The following PWWP3B variants were observed in gnomAD, a reference collection of about 807,000 sequenced individuals.
PWWP3B encodes PWWP domain containing 3B.
A neutral mutation model predicts 15.7 loss-of-function variants in PWWP3B; 5 were observed. The ratio of observed to expected loss-of-function variants is 0.32; its 90% CI spans 0.17 to 0.67. The LOEUF (loss-of-function observed/expected upper bound fraction) is 0.67, where lower values mean the gene tolerates loss of function less well. Among genes scored for constraint, PWWP3B ranks in the 30% least tolerant of loss-of-function variants. The pLI, the probability that PWWP3B is intolerant of heterozygous loss-of-function variation, is 0.74. For synonymous variants in PWWP3B, 203 were observed against 179.8 expected, an observed-to-expected ratio of 1.13 and a Z score of -1.03; for missense variants, 519 against 493.1, an observed-to-expected ratio of 1.05 and a Z score of -0.50.
intron 2 of PWWP3B, among the ~76,000 whole-genome samples, chrX:106,185,377 C>T (rs931832855): frequency 9.0e-6 from 1 of 111,373 alleles, no homozygotes; most frequent in African/African-American, 3.3e-5. Context: ...TGCAACGGTA[C>T]CTGGACCCTG....
chrX:106,198,369 A>C (rs889946468), intron 2 of PWWP3B, among the ~76,000 whole-genome samples: 1 of 111,652 alleles, frequency 9.0e-6, no homozygotes, highest in African/African-American at 3.3e-5. Flanking sequence ...AACACACCCT[A>C]GATGACCCAC....
intron 2 of PWWP3B, among the ~76,000 whole-genome samples, chrX:106,188,664 G>A (rs1398301971): frequency 8.9e-6 from 1 of 112,281 alleles, no homozygotes; most frequent in Non-Finnish European, 1.9e-5. Context: ...CTGCCCCATT[G>A]TAGTCAATCC....
rs41300900 is a variant in PWWP3B, at chrX:106,206,011, C to T, written c.579C>T (p.Cys193=). The change falls in exon 4 of 4, where the codon TGC becomes TGT. Residue 193 remains cysteine, a synonymous_variant. Transcript: ENST00000357175. ...ETKSLQNSSW[C]ETFPSLSEDN... is the part of the protein sequence containing the mutation. ...AGTCATTACAAAACTCTAGCTGGTG[C>T]GAGACTTTCCCTTCACTTTCGGAAG... 21,177 of 1,206,185 alleles carry T rather than the reference C, an allele frequency of 0.018. 167 individuals carry two copies. The highest frequency in any genetic ancestry group is 0.02 in the Non-Finnish European group (17,903 of 893,082).
chrX:106,185,812 C>T (rs1001807881), intron 2 of PWWP3B, among the ~76,000 whole-genome samples: 6 of 111,895 alleles, frequency 5.4e-5, no homozygotes, highest in African/African-American at 1.9e-4. Flanking sequence ...ACCTTTTGTC[C>T]TCACTTCTCA....
intron 2 of PWWP3B, among the ~76,000 whole-genome samples, chrX:106,191,799 C>T (rs1360314899): frequency 9.0e-6 from 1 of 111,524 alleles, no homozygotes; most frequent in African/African-American, 3.3e-5. Context: ...TTGAGATAAT[C>T]ATGTGGTTTT....
intron 2 of PWWP3B, among the ~76,000 whole-genome samples, chrX:106,175,149 A>G (rs1263538495): frequency 1.8e-5 from 2 of 109,930 alleles, no homozygotes; most frequent in Non-Finnish European, 3.8e-5. Flanking sequence ...GATAGTAAGC[A>G]TGGTAGTTGC....
intron 2 of PWWP3B, among the ~76,000 whole-genome samples, chrX:106,175,924 C>T (rs963223227): frequency 1.8e-5 from 2 of 110,262 alleles, no homozygotes; most frequent in African/African-American, 3.3e-5. Flanking sequence ...TGAGGAGTCC[C>T]GATATATAGC....
At chrX:106,181,765 G>A (rs763416249) in intron 2 of PWWP3B, among the ~76,000 whole-genome samples, 3 of 111,578 alleles carry the variant, frequency 2.7e-5, no homozygotes, top group East Asian at 2.8e-4. Context: ...CCGGCAGGTC[G>A]GTCCATGGGT....
chrX:106,178,931 A>G lies in PWWP3B; in HGVS notation c.-401+7792A>G, dbSNP rs1203871274. Reference sequence around the variant, plus strand: ...TCGGATTCCATTTTTTACGTAATGCATAACAAAACTAAATTTGAGGATGGT... The same window carrying G: ...TCGGATTCCATTTTTTACGTAATGCGTAACAAAACTAAATTTGAGGATGGT... On this transcript the variant is annotated intron_variant, in intron 2 of 3. Coordinates refer to ENST00000357175, the MANE Select transcript of PWWP3B (RefSeq NM_001171020.2). Among the ~76,000 whole-genome samples the G allele has an allele frequency of 2.7e-5, 3 of 111,923 alleles. No homozygotes were observed. In the Admixed American group the frequency reaches 2.9e-4, roughly 11 times the overall value.
At chrX:106,184,183 T>A (rs200263116) in intron 2 of PWWP3B, among the ~76,000 whole-genome samples, 2 of 111,333 alleles carry the variant, frequency 1.8e-5, no homozygotes, top group South Asian at 7.7e-4. Flanking sequence ...GTTGCCAGGT[T>A]TAATAATGCC....
chrX:106,170,390 A>T (rs1225803151), intron 1 of PWWP3B, among the ~76,000 whole-genome samples: 1 of 111,870 alleles, frequency 8.9e-6, no homozygotes, highest in Non-Finnish European at 1.9e-5. Context: ...CATGAGAGAT[A>T]TTATGATGAA....
intron 2 of PWWP3B, among the ~76,000 whole-genome samples, chrX:106,175,242 T>C (rs1029776947): frequency 0.02 from 1,775 of 87,827 alleles, 16 homozygotes; most frequent in Non-Finnish European, 0.031. Context: ...ATTTCTTTTT[T>C]TTTTTTTTTT....
chrX:106,190,536 C>G (rs1475721407), intron 2 of PWWP3B, among the ~76,000 whole-genome samples: 34 of 111,489 alleles, frequency 3.0e-4, no homozygotes, highest in Admixed American at 6.6e-4. Flanking sequence ...TGTACAGAAG[C>G]TCTTTAGTTT....
chrX:106,176,917 T>C (rs1385533903), intron 2 of PWWP3B, among the ~76,000 whole-genome samples: 1 of 112,651 alleles, frequency 8.9e-6, no homozygotes, highest in Non-Finnish European at 1.9e-5. Context: ...ATTAATTCAT[T>C]GCAGTACAAA....
intron 2 of PWWP3B, among the ~76,000 whole-genome samples, chrX:106,174,640 GAATCACCA>G (rs1921789352): frequency 9.0e-6 from 1 of 111,547 alleles, no homozygotes; most frequent in African/African-American, 3.3e-5. Flanking sequence ...CCCTGTCCAG[GAATCACCA>G]TATCTGAAAG....
Position 106,205,236 on chromosome X carries a change from CT to C in PWWP3B, c.-196del. Reference sequence around the variant, plus strand: ...TGTTTCAGTATCTTCCGGTATCATCCTATTCAAACAACGTGTTCAAGCATCC... The same window carrying C: ...TGTTTCAGTATCTTCCGGTATCATCCATTCAAACAACGTGTTCAAGCATCC... On this transcript the variant is annotated 5_prime_UTR_variant, in exon 4 of 4. The change abolishes the stop of an existing upstream ORF in the 5' untranslated region. Transcript: ENST00000357175. 2.8e-6 allele frequency: 1 copy of C among 360,996 alleles called. No individual in the cohort carries two copies. Among genetic ancestry groups the C allele is most frequent in the Non-Finnish European group, 4.8e-6 (1 of 207,904 alleles). 29.8% of individuals were successfully genotyped at this position (360,996 alleles called of 1,213,427 possible). A position where few individuals can be genotyped will look rare whatever the true frequency, so the allele number is the denominator to read the frequency against.
At chrX:106,192,439 T>C (rs1354170715) in intron 2 of PWWP3B, among the ~76,000 whole-genome samples, 1 of 111,693 alleles carries the variant, frequency 9.0e-6, no homozygotes, top group East Asian at 2.8e-4. Flanking sequence ...TCTTTTCTTC[T>C]TTATTAGTCT....
intron 2 of PWWP3B, among the ~76,000 whole-genome samples, chrX:106,186,916 A>C (rs141574270): frequency 0.014 from 1,549 of 111,845 alleles, 28 homozygotes; most frequent in African/African-American, 0.048. Context: ...TGATTGGTAC[A>C]TTTTTACAGA....
At position 106,207,696 on chromosome X, in the gene PWWP3B, TC is replaced by T. The variant is rs1457708034; in HGVS notation, c.*174del. 10 of 411,389 alleles carry T rather than the reference TC, an allele frequency of 2.4e-5. No individual in the cohort carries two copies. The highest frequency in any genetic ancestry group is 3.9e-5 in the Non-Finnish European group (10 of 253,638). 33.9% of individuals were successfully genotyped at this position (411,389 alleles called of 1,213,427 possible). The stretch of plus-strand genomic sequence containing the variant: ...TTATAATTACATCTTTATTTCCTTT[TC>T]TTGCGCTTCTTCAAAGTTAATTTTG... On this transcript the variant is annotated 3_prime_UTR_variant, in exon 4 of 4. Transcript: ENST00000357175.
Sources: allele counts gnomAD v4.1 joint callset (sites outside exome capture counted in the v4.1 genomes callset), GRCh38; gene constraint gnomAD v4.1.1; transcripts MANE v1.5; gene names NCBI Gene and HGNC (gene_info 2026-07-23, HGNC 2026-07-21).